ZNF248: variants seen among roughly 807,000 people sequenced by gnomAD.
The protein encoded by ZNF248 is zinc finger protein 248.
Under a neutral mutation model 44.3 loss-of-function variants are expected in ZNF248, and 20 were observed. That is an observed-to-expected ratio of 0.45 (90% CI 0.32 to 0.66). The LOEUF (loss-of-function observed/expected upper bound fraction) is 0.66, where lower values mean the gene tolerates loss of function less well. ZNF248 is among the 30% of genes least tolerant of loss of function. The pLI, the probability that ZNF248 is intolerant of heterozygous loss-of-function variation, is 0.04. For missense variants in ZNF248, 654 were observed against 677.0 expected (o/e 0.97, Z 0.38); for synonymous variants, 224 against 229.0 (o/e 0.98, Z 0.20).
chr10:37,806,020 A>C (rs1281617057), intron 6 of ZNF248, among the ~76,000 whole-genome samples: 1 of 152,208 alleles, frequency 6.6e-6, no homozygotes, highest in African/African-American at 2.4e-5. Context: ...AGAATTGTTG[A>C]GCAAGATAGT....
chr10:37,776,998 G>T (rs897929047), intron 6 of ZNF248, among the ~76,000 whole-genome samples: 2 of 152,134 alleles, frequency 1.3e-5, no homozygotes, highest in Admixed American at 6.6e-5. Context: ...TATCAGCTGA[G>T]GTTAACTACT....
intron 6 of ZNF248, among the ~76,000 whole-genome samples, chr10:37,801,381 A>G (rs1223112968): frequency 6.6e-6 from 1 of 152,008 alleles, no homozygotes; most frequent in Non-Finnish European, 1.5e-5. Flanking sequence ...GTCTCAAAAA[A>G]AAAACATTAT....
At chr10:37,774,555 C>T (rs1181034411), downstream of ZNF248, among the ~76,000 whole-genome samples, 1 of 152,080 alleles carries the variant, frequency 6.6e-6, no homozygotes, top group Non-Finnish European at 1.5e-5. Flanking sequence ...AAGACAAGAA[C>T]ATGAAGCAGA....
At chr10:37,850,299 T>C (rs985269273) in intron 3 of ZNF248, among the ~76,000 whole-genome samples, 3 of 152,012 alleles carry the variant, frequency 2.0e-5, no homozygotes, top group African/African-American at 4.8e-5. Flanking sequence ...TTAAGAAAGA[T>C]AAAAAATGCT....
chr10:37,797,478 T>C (rs2049290028), intron 6 of ZNF248, among the ~76,000 whole-genome samples: 1 of 152,078 alleles, frequency 6.6e-6, no homozygotes, highest in African/African-American at 2.4e-5. Context: ...ATTAAAACTT[T>C]TGTGCTTCCT....
chr10:37,855,678 A>C (rs546359584), intron 3 of ZNF248, among the ~76,000 whole-genome samples: 2 of 152,372 alleles, frequency 1.3e-5, no homozygotes, highest in East Asian at 3.9e-4. Flanking sequence ...CCAGGCAAGT[A>C]ATGCAAAGGC....
chr10:37,790,466 C>A (rs1208333280), intron 6 of ZNF248, among the ~76,000 whole-genome samples: 1 of 151,872 alleles, frequency 6.6e-6, no homozygotes, highest in Non-Finnish European at 1.5e-5. Context: ...TAATCAAGCA[C>A]TTTAGGAGGC....
chr10:37,763,311 C>A, the ZNF248 span, among the ~76,000 whole-genome samples: 72,701 of 152,090 alleles, frequency 0.48, 17,711 homozygotes, highest in East Asian at 0.56. Flanking sequence ...GCAAGACTGC[C>A]TCCTTTGAAC....
chr10:37,790,305 G>A (rs2048351661), intron 6 of ZNF248, among the ~76,000 whole-genome samples: 1 of 151,642 alleles, frequency 6.6e-6, no homozygotes, highest in Non-Finnish European at 1.5e-5. Context: ...CTAGGGCTGG[G>A]AATGGTGGCT....
the ZNF248 span, among the ~76,000 whole-genome samples, chr10:37,768,069 GAACT>G: frequency 6.6e-6 from 1 of 152,146 alleles, no homozygotes; most frequent in African/African-American, 2.4e-5. Context: ...TCAACAAGAA[GAACT>G]AACTATCCTA....
chr10:37,775,565 G>A (rs2046523011), downstream of ZNF248: 1 of 152,196 alleles, frequency 6.6e-6, no homozygotes, highest in Non-Finnish European at 1.5e-5. Flanking sequence ...TGATGAGTGA[G>A]AATTCACACA....
chr10:37,813,019 C>CAAAAA (rs1269928346), intron 6 of ZNF248, among the ~76,000 whole-genome samples: 6,095 of 115,856 alleles, frequency 0.053, 161 homozygotes, highest in Middle Eastern at 0.089. Flanking sequence ...GTGGATATGG[C>CAAAAA]AAAAAGAAAA....
At chr10:37,844,121 T>C (rs1208648) in intron 3 of ZNF248, among the ~76,000 whole-genome samples, 9,112 of 152,198 alleles carry the variant, frequency 0.06, 352 homozygotes, top group Middle Eastern at 0.095. Context: ...GGCACATTAT[T>C]ATCAAACTAT....
intron 6 of ZNF248, among the ~76,000 whole-genome samples, chr10:37,817,385 AT>A (rs1229018435): frequency 6.9e-6 from 1 of 144,336 alleles, no homozygotes; most frequent in Admixed American, 7.1e-5. Flanking sequence ...TAAAAAAAAA[AT>A]AGCACTTCAA....
At chr10:37,800,978 T>C (rs1452382895) in intron 6 of ZNF248, among the ~76,000 whole-genome samples, 1 of 151,860 alleles carries the variant, frequency 6.6e-6, no homozygotes, top group Non-Finnish European at 1.5e-5. Flanking sequence ...GCCAGGCTGA[T>C]CTCGAACTCC....
At chr10:37,812,132 G>A (rs550004777) in intron 6 of ZNF248, among the ~76,000 whole-genome samples, 56 of 152,142 alleles carry the variant, frequency 3.7e-4, no homozygotes, top group Middle Eastern at 3.4e-3. Context: ...AGCTACTCGG[G>A]AGGCTGGGGT....
chr10:37,765,614 A>T, the ZNF248 span, among the ~76,000 whole-genome samples: 1 of 152,230 alleles, frequency 6.6e-6, no homozygotes, highest in Non-Finnish European at 1.5e-5. Context: ...TCCACAAATC[A>T]CCACATTAAT....
At chr10:37,823,417 T>C (rs1450656580) in intron 6 of ZNF248, among the ~76,000 whole-genome samples, 1 of 150,474 alleles carries the variant, frequency 6.6e-6, no homozygotes, top group Non-Finnish European at 1.5e-5. Flanking sequence ...ACGTATTATG[T>C]CACAACATTC....
rs1330112310 is a variant in ZNF248 at position 37,832,442 on chromosome 10, T to C, written c.913A>G (p.Ile305Val). The change falls in exon 6 of 6, where the codon ATC becomes GTC. Residue 305 changes from isoleucine to valine, a missense_variant. Transcript: ENST00000395867. ...NPYEYNEYGE[I>V]FCDNSAFIIH... is the part of the protein sequence containing the mutation. ...ATGAAAGCTGAATTGTCACAGAAGA[T>C]TTCCCCATATTCATTATATTCATAA... is the stretch of plus-strand genomic sequence containing the variant. 2 of 1,614,004 alleles carry C rather than the reference T, an allele frequency of 1.2e-6. No homozygotes were observed. The highest frequency in any genetic ancestry group is 2.2e-5 in the South Asian group (2 of 91,084).
Sources: allele counts gnomAD v4.1 joint callset (sites outside exome capture counted in the v4.1 genomes callset), GRCh38; gene constraint gnomAD v4.1.1; transcripts MANE v1.5; gene names NCBI Gene and HGNC (gene_info 2026-07-23, HGNC 2026-07-21).